The following RIT2 variants were observed in gnomAD, a reference collection of about 807,000 sequenced individuals.
The protein encoded by RIT2 is GTP-binding protein Rit2.
RIT2 carries 24 observed loss-of-function variants against 23.7 expected under a neutral mutation model. That is an observed-to-expected ratio of 1.01 (90% CI 0.73 to 1.43). RIT2 has a LOEUF of 1.43. Among genes scored for constraint, RIT2 ranks in the 40% most tolerant of loss-of-function variants. RIT2 has a pLI of 0.00. For synonymous variants in RIT2, 107 were observed against 91.1 expected (o/e 1.17, Z -0.99); for missense variants, 236 against 266.9 (o/e 0.88, Z 0.81).
At chr18:42,855,612 T>C (rs1907160265) in intron 4 of RIT2, among the ~76,000 whole-genome samples, 1 of 152,194 alleles carries the variant, frequency 6.6e-6, no homozygotes, top group Non-Finnish European at 1.5e-5. Flanking sequence ...CATCCAGCTG[T>C]AGTCTCATGG....
intron 4 of RIT2, among the ~76,000 whole-genome samples, chr18:42,871,532 T>G (rs958937020): frequency 6.6e-6 from 1 of 152,222 alleles, no homozygotes; most frequent in African/African-American, 2.4e-5. Context: ...TAATCCATAC[T>G]GAATCTGTTT....
intron 4 of RIT2, among the ~76,000 whole-genome samples, chr18:42,857,325 C>T (rs1354354918): frequency 1.3e-5 from 2 of 152,200 alleles, no homozygotes; most frequent in Non-Finnish European, 2.9e-5. Context: ...TATAAATCTT[C>T]ATCTAACTCT....
chr18:43,033,068 G>C (rs1416826395), intron 2 of RIT2, among the ~76,000 whole-genome samples: 1 of 152,144 alleles, frequency 6.6e-6, no homozygotes, highest in East Asian at 1.9e-4. Flanking sequence ...AATAATGCTT[G>C]ATGTGTTTTT....
At chr18:42,960,780 G>C (rs1468127420) in intron 3 of RIT2, among the ~76,000 whole-genome samples, 2 of 152,138 alleles carry the variant, frequency 1.3e-5, no homozygotes, top group African/African-American at 4.8e-5. Flanking sequence ...TATACAGTTT[G>C]TTGTCAGCAA....
At chr18:43,042,080 G>A (rs1016106007) in intron 1 of RIT2, among the ~76,000 whole-genome samples, 5 of 152,102 alleles carry the variant, frequency 3.3e-5, no homozygotes, top group Non-Finnish European at 7.4e-5. Flanking sequence ...ACAGAAGATG[G>A]CAAATCACTG....
intron 2 of RIT2, among the ~76,000 whole-genome samples, chr18:42,975,333 G>T (rs1439098114): frequency 6.6e-6 from 1 of 152,020 alleles, no homozygotes; most frequent in Non-Finnish European, 1.5e-5. Context: ...TTATTGATTT[G>T]TATATGTTGA....
intron 4 of RIT2, among the ~76,000 whole-genome samples, chr18:42,751,648 A>G (rs1381724358): frequency 1.3e-5 from 2 of 152,010 alleles, no homozygotes. Flanking sequence ...TACTTTGATA[A>G]GTAATGTAGG....
At chr18:43,093,219 G>A (rs960925103) in intron 1 of RIT2, among the ~76,000 whole-genome samples, 2 of 148,578 alleles carry the variant, frequency 1.3e-5, no homozygotes, top group African/African-American at 5.2e-5. Flanking sequence ...GAGCCCTAAA[G>A]TATTGAAGGC....
At chr18:43,071,006 CA>C (rs1311196842) in intron 1 of RIT2, among the ~76,000 whole-genome samples, 1 of 151,936 alleles carries the variant, frequency 6.6e-6, no homozygotes, top group African/African-American at 2.4e-5. Context: ...AATATAGGAA[CA>C]AAAAAAGAAC....
At chr18:43,003,741 CT>C (rs952042499) in intron 2 of RIT2, among the ~76,000 whole-genome samples, 22 of 144,144 alleles carry the variant, frequency 1.5e-4, no homozygotes, top group East Asian at 6.4e-4. Flanking sequence ...TCTATCATTA[CT>C]TTTTTTTTCC....
At chr18:43,068,553 T>C (rs1172540856) in intron 1 of RIT2, among the ~76,000 whole-genome samples, 1 of 152,094 alleles carries the variant, frequency 6.6e-6, no homozygotes, top group African/African-American at 2.4e-5. Context: ...CATAGTGTCA[T>C]GGGCATCAAG....
At chr18:42,819,155 G>T (rs921302151) in intron 4 of RIT2, among the ~76,000 whole-genome samples, 4 of 152,008 alleles carry the variant, frequency 2.6e-5, no homozygotes, top group African/African-American at 9.7e-5. Flanking sequence ...TTCTCTTTCT[G>T]CCTTATATAA....
chr18:42,813,982 G>A (rs1905922769), intron 4 of RIT2, among the ~76,000 whole-genome samples: 1 of 152,204 alleles, frequency 6.6e-6, no homozygotes, highest in South Asian at 2.1e-4. Flanking sequence ...GATTATGGGA[G>A]AAGATTCTAA....
intron 4 of RIT2, among the ~76,000 whole-genome samples, chr18:42,845,591 G>T (rs2144029736): frequency 6.7e-6 from 1 of 149,326 alleles, no homozygotes; most frequent in East Asian, 2.0e-4. Context: ...TATAAATATT[G>T]GTCATATATT....
At chr18:42,749,656 C>T (rs1912999916) in intron 4 of RIT2, among the ~76,000 whole-genome samples, 1 of 151,462 alleles carries the variant, frequency 6.6e-6, no homozygotes, top group African/African-American at 2.4e-5. Context: ...ATACTACAAA[C>T]ATAAAAAAGA....
At chr18:43,087,124 T>C (rs1913302510) in intron 1 of RIT2, among the ~76,000 whole-genome samples, 1 of 151,866 alleles carries the variant, frequency 6.6e-6, no homozygotes, top group African/African-American at 2.4e-5. Flanking sequence ...GTAGCAGGCA[T>C]GAGTCCCAGC....
chr18:42,792,524 C>G (rs546448142), intron 4 of RIT2, among the ~76,000 whole-genome samples: 2 of 152,214 alleles, frequency 1.3e-5, no homozygotes, highest in Admixed American at 6.5e-5. Flanking sequence ...TTTTCACTTC[C>G]ATTTGCCTTG....
At chr18:42,970,616 C>G (rs1438196840) in intron 3 of RIT2, among the ~76,000 whole-genome samples, 5 of 151,846 alleles carry the variant, frequency 3.3e-5, no homozygotes, top group African/African-American at 1.2e-4. Flanking sequence ...AGTCCTACAC[C>G]CAGAGCAAAG....
At chr18:42,928,968 T>C (rs556385058) in intron 3 of RIT2, among the ~76,000 whole-genome samples, 28 of 148,044 alleles carry the variant, frequency 1.9e-4, no homozygotes, top group South Asian at 4.2e-4. Context: ...TGAGCACTTA[T>C]ATATGACAGG....
Sources: gnomAD v4.1 joint callset for allele counts (sites outside exome capture counted in the v4.1 genomes callset) on GRCh38, gnomAD v4.1.1 for gene constraint, MANE v1.5 for transcripts, NCBI Gene and HGNC (gene_info 2026-07-23, HGNC 2026-07-21) for gene names.